SEPTIN9: variants seen among roughly 807,000 people sequenced by gnomAD.
SEPTIN9 encodes septin-9.
SEPTIN9 carries 13 observed loss-of-function variants against 56.6 expected under a neutral mutation model. That is an observed-to-expected ratio of 0.23 (90% confidence interval 0.15 to 0.37). SEPTIN9 has a LOEUF of 0.37. SEPTIN9 is among the 10% of genes least tolerant of loss of function. The pLI is 1.00. For synonymous variants in SEPTIN9, 332 were observed against 334.1 expected, an observed-to-expected ratio of 0.99 and a Z score of 0.07; for missense variants, 650 against 823.1, an observed-to-expected ratio of 0.79 and a Z score of 2.57.
At position 77,400,149 on chromosome 17, in the gene SEPTIN9, T is replaced by C. The variant is rs757807178; in HGVS notation, c.77-1910T>C. Among the ~76,000 whole-genome samples the C allele has an allele frequency of 7.9e-5, 12 of 152,160 alleles. No homozygotes were observed. The highest frequency in any genetic ancestry group is 1.6e-4 in the Non-Finnish European group (11 of 68,022). ...GTGTCACCATGCCCAGCTAATTTTTTATTTTTAGTAAAGATGGGGTTTCAC... is the reference window on the plus strand; with the variant it reads ...GTGTCACCATGCCCAGCTAATTTTTCATTTTTAGTAAAGATGGGGTTTCAC... On this transcript the variant is annotated intron_variant, in intron 2 of 11. Coordinates refer to ENST00000427177, the MANE Select transcript of SEPTIN9 (RefSeq NM_001113491.2). This position sits in a 1 kb window ranked among gnomAD's most constrained non-coding sequence, Gnocchi z 4.1.
intron 2 of SEPTIN9, among the ~76,000 whole-genome samples, chr17:77,387,955 G>A (rs886259767): frequency 3.8e-5 from 5 of 132,156 alleles, no homozygotes; most frequent in South Asian, 2.6e-4. Context: ...GGCAGGCGCC[G>A]TTTCCTGGAC....
intron 2 of SEPTIN9, among the ~76,000 whole-genome samples, chr17:77,361,230 G>C (rs768841745): frequency 1.5e-4 from 23 of 151,998 alleles, no homozygotes; most frequent in Non-Finnish European, 2.6e-4. Flanking sequence ...GGCCTCTTTC[G>C]TTCTTTCTTA....
chr17:77,465,781 G>A (rs1482441875), intron 3 of SEPTIN9, among the ~76,000 whole-genome samples: 2 of 152,146 alleles, frequency 1.3e-5, no homozygotes, highest in Non-Finnish European at 2.9e-5. Context: ...GGCCTGGGTG[G>A]GTGAGCCACT....
chr17:77,347,013 T>C (rs765376746), intron 2 of SEPTIN9, among the ~76,000 whole-genome samples: 2 of 152,126 alleles, frequency 1.3e-5, no homozygotes, highest in Non-Finnish European at 2.9e-5. Context: ...AGCACTACAA[T>C]CTGTTTATAA....
At chr17:77,395,938 T>G (rs2035698620) in intron 2 of SEPTIN9, among the ~76,000 whole-genome samples, 1 of 152,260 alleles carries the variant, frequency 6.6e-6, no homozygotes, top group South Asian at 2.1e-4. Context: ...TACTTCTGAT[T>G]ATTTCCTTGG....
chr17:77,390,755 G>A lies in SEPTIN9; in HGVS notation c.77-11304G>A, dbSNP rs552578192. Among the ~76,000 whole-genome samples the A allele has an allele frequency of 6.1e-3, 935 of 152,308 alleles. 9 individuals carry two copies. The highest frequency in any genetic ancestry group is 0.021 in the African/African-American group (858 of 41,574). On this transcript the variant is annotated intron_variant, in intron 2 of 11. Transcript: ENST00000427177. ...CGTGAGCCGCCGCGCCCGGCCACACGTTTCTGTTCTTGAACAGGTGGCTCC... is the reference window on the plus strand; with the variant it reads ...CGTGAGCCGCCGCGCCCGGCCACACATTTCTGTTCTTGAACAGGTGGCTCC...
chr17:77,461,467 G>A (rs2038469308), intron 3 of SEPTIN9, among the ~76,000 whole-genome samples: 1 of 152,178 alleles, frequency 6.6e-6, no homozygotes, highest in Non-Finnish European at 1.5e-5. Flanking sequence ...CATGAAAGAT[G>A]TTCCTAGACT....
rs1015953950 is a variant in SEPTIN9, at chr17:77,453,345, C to A, written c.722-28799C>A. Among the ~76,000 whole-genome samples the A allele has an allele frequency of 3.3e-5, 5 of 152,166 alleles. No individual in the cohort carries two copies. Among genetic ancestry groups the A allele is most frequent in the Non-Finnish European group, 7.3e-5 (5 of 68,032 alleles). On this transcript the variant is annotated intron_variant, in intron 3 of 11. Coordinates refer to ENST00000427177, the MANE Select transcript of SEPTIN9 (RefSeq NM_001113491.2). This position sits in a 1 kb window ranked among gnomAD's most constrained non-coding sequence, Gnocchi z 4.4. ...TGTTGGCCGGGCGCAGTGGCTCATGCCTGTAATCCCAACACTTCAGGAGGC... is the reference window on the plus strand; with the variant it reads ...TGTTGGCCGGGCGCAGTGGCTCATGACTGTAATCCCAACACTTCAGGAGGC...
chr17:77,470,632 G>C (rs980254333), intron 3 of SEPTIN9: 1 of 151,148 alleles, frequency 6.6e-6, no homozygotes, highest in African/African-American at 2.4e-5. Flanking sequence ...CCATTCACCT[G>C]CCTGTTCATC....
chr17:77,341,643 C>G (rs1359846722), intron 2 of SEPTIN9, among the ~76,000 whole-genome samples: 1 of 151,004 alleles, frequency 6.6e-6, no homozygotes, highest in Non-Finnish European at 1.5e-5. Context: ...GGCGTGGTGG[C>G]GGGTGCCTGT....
At chr17:77,423,256 G>A (rs559061264) in intron 3 of SEPTIN9, among the ~76,000 whole-genome samples, 243 of 152,164 alleles carry the variant, frequency 1.6e-3, no homozygotes, top group African/African-American at 3.1e-3. Context: ...GGCTGGTCTC[G>A]AACTCCTGGC....
intron 3 of SEPTIN9, among the ~76,000 whole-genome samples, chr17:77,426,165 A>G (rs1266967641): frequency 6.6e-6 from 1 of 150,898 alleles, no homozygotes; most frequent in Non-Finnish European, 1.5e-5. Context: ...GAAGTTGAGC[A>G]CTCCTCCCGA....
rs1013049424 is a variant in SEPTIN9 at position 77,475,032 on chromosome 17, C to T, written c.722-7112C>T. On this transcript the variant is annotated intron_variant, in intron 3 of 11. Transcript: ENST00000427177. This position sits in a 1 kb window ranked among gnomAD's most constrained non-coding sequence, Gnocchi z 4.6. ...AAAAAAATTAGAGTAACGCCTGGCA[C>T]AGAGAGCCCCCAGTAAACCTCGGCT... Among the ~76,000 whole-genome samples, 2 of 152,120 alleles carry T rather than the reference C, an allele frequency of 1.3e-5. No individual in the cohort carries two copies. The highest frequency in any genetic ancestry group is 2.9e-5 in the Non-Finnish European group (2 of 68,028).
Position 77,319,456 on chromosome 17 carries a change from G to C in SEPTIN9, c.76+12259G>C. 1.4e-6 allele frequency: 1 copy of C among 706,484 alleles called. No homozygotes were observed. Among genetic ancestry groups the C allele is most frequent in the Middle Eastern group, 6.4e-4 (1 of 1,554 alleles). 43.8% of individuals were successfully genotyped at this position (706,484 alleles called of 1,614,324 possible). ...CTCACTGACTCATGCGTGTGTGGTA[G>C]GAATCTTCCAGGAAGTCCCCGTCCC... On this transcript the variant is annotated intron_variant, in intron 2 of 11. Transcript: ENST00000427177. This position sits in a 1 kb window ranked among gnomAD's most constrained non-coding sequence, Gnocchi z 5.3.
rs2032822528 is a variant in SEPTIN9 at position 77,319,454 on chromosome 17, T to A, written c.76+12257T>A. 1 of 688,196 alleles carries A rather than the reference T, an allele frequency of 1.5e-6. No individual in the cohort carries two copies. Among genetic ancestry groups the A allele is most frequent in the South Asian group, 6.7e-5 (1 of 14,850 alleles). The allele number at this position is 688,196 out of a possible 1,614,324, so 42.6% of individuals were successfully genotyped here. A position where few individuals can be genotyped will look rare whatever the true frequency, so the allele number is the denominator to read the frequency against. ...GACTCACTGACTCATGCGTGTGTGG[T>A]AGGAATCTTCCAGGAAGTCCCCGTC... On this transcript the variant is annotated intron_variant, in intron 2 of 11. Coordinates refer to ENST00000427177, the MANE Select transcript of SEPTIN9 (RefSeq NM_001113491.2). This position sits in a 1 kb window ranked among gnomAD's most constrained non-coding sequence, Gnocchi z 5.3.
At chr17:77,440,068 A>G (rs1201383097) in intron 3 of SEPTIN9, among the ~76,000 whole-genome samples, 1 of 152,220 alleles carries the variant, frequency 6.6e-6, no homozygotes, top group African/African-American at 2.4e-5. Context: ...GGAAGAGATG[A>G]CTTGGGGAGT....
In SEPTIN9 at chr17:77,450,088, G is replaced by A. The variant is rs1197689872; in HGVS notation, c.722-32056G>A. Among the ~76,000 whole-genome samples the A allele has an allele frequency of 6.6e-6, 1 of 152,210 alleles. No homozygotes were observed. Among genetic ancestry groups the A allele is most frequent in the Admixed American group, 6.5e-5 (1 of 15,286 alleles). On this transcript the variant is annotated intron_variant, in intron 3 of 11. Transcript: ENST00000427177. The surrounding 1 kb of genome is among the most constrained non-coding windows in gnomAD (Gnocchi z 6.0). Reference sequence around the variant, plus strand: ...GCCTGGCGCCCGGAGACCAGTAGCAGCAGCTCCCCACGGCCGTTCACTGTG... The same window carrying A: ...GCCTGGCGCCCGGAGACCAGTAGCAACAGCTCCCCACGGCCGTTCACTGTG...
At chr17:77,461,134 A>G (rs868716112) in intron 3 of SEPTIN9, among the ~76,000 whole-genome samples, 3 of 151,714 alleles carry the variant, frequency 2.0e-5, no homozygotes, top group Non-Finnish European at 4.4e-5. Context: ...GAGAAACCCT[A>G]CCTCTAGTAA....
chr17:77,390,121 G>T (rs1002852033), intron 2 of SEPTIN9, among the ~76,000 whole-genome samples: 1 of 151,926 alleles, frequency 6.6e-6, no homozygotes, highest in Non-Finnish European at 1.5e-5. Context: ...CCCTGTGAGC[G>T]GTGGCCTCCT....
Sources: allele counts gnomAD v4.1 joint callset (sites outside exome capture counted in the v4.1 genomes callset), GRCh38; gene constraint gnomAD v4.1.1; non-coding constraint Gnocchi (gnomAD v3.1); transcripts MANE v1.5; gene names NCBI Gene and HGNC (gene_info 2026-07-23, HGNC 2026-07-21).